HERC2: variants seen among roughly 807,000 people sequenced by gnomAD.
The protein encoded by HERC2 is E3 ubiquitin-protein ligase HERC2.
A neutral mutation model predicts 537.7 loss-of-function variants in HERC2; 102 were observed. That is an observed-to-expected ratio of 0.19 (90% CI 0.16 to 0.22). The LOEUF is 0.22. Among genes scored for constraint, HERC2 ranks in the 10% least tolerant of loss-of-function variants. The probability of loss-of-function intolerance (pLI) is 1.00; values close to 1 mark genes in which losing one functional copy is unlikely to be tolerated. For synonymous variants in HERC2, 2,224 were observed against 2,466.2 expected (o/e 0.90, Z 2.91); for missense variants, 4,236 against 6,198.2 (o/e 0.68, Z 10.63).
Position 28,163,201 on chromosome 15 carries a change from G to A in HERC2, c.10639C>T (p.Arg3547Cys), listed in dbSNP as rs559745379. The part of the protein sequence containing the change: ...FTSLLIADDT[R>C]VVVDLLKLSV... Reference sequence around the variant, plus strand: ...AGCTTGAGCAGGTCTACCACCACACGAGTGTCATCCGCAATCAGCAGACTG... The same window carrying A: ...AGCTTGAGCAGGTCTACCACCACACAAGTGTCATCCGCAATCAGCAGACTG... The change falls in exon 69 of 93, where the codon CGT becomes TGT. Residue 3547 changes from arginine to cysteine, a missense_variant. Transcript: ENST00000261609. The A allele has an allele frequency of 3.1e-6, 5 of 1,613,850 alleles. No individual in the cohort carries two copies. Among genetic ancestry groups the A allele is most frequent in the South Asian group, 2.2e-5 (2 of 91,078 alleles).
chr15:28,256,933 C>T (rs1319097081), intron 17 of HERC2, 128 bp downstream of exon 17: 1 of 798,306 alleles, frequency 1.3e-6, no homozygotes, highest in Admixed American at 2.7e-5. Context: ...ATTATTAGTG[C>T]ATTACAATCT....
At chr15:28,131,899 C>CT (rs1490436219) in intron 81 of HERC2, among the ~76,000 whole-genome samples, 1 of 152,316 alleles carries the variant, frequency 6.6e-6, no homozygotes, top group Admixed American at 6.5e-5. Flanking sequence ...ACCTTACTCC[C>CT]TCTAGGCCCT....
chr15:28,273,236 T>G (rs1345566883), intron 7 of HERC2: 2 of 577,014 alleles, frequency 3.5e-6, no homozygotes, highest in African/African-American at 3.7e-5. Context: ...TATATTACAG[T>G]AGATGACATA....
At chr15:28,115,647 G>T (rs1015027606) in intron 88 of HERC2, 106 bp from the exon 89 acceptor site, 1 of 727,908 alleles carries the variant, frequency 1.4e-6, no homozygotes, top group Non-Finnish European at 2.4e-6. Flanking sequence ...AGGACTCAGA[G>T]CCTTCTGAAG....
chr15:28,184,035 C>T (rs1218511712), intron 56 of HERC2, among the ~76,000 whole-genome samples: 3 of 151,600 alleles, frequency 2.0e-5, no homozygotes, highest in African/African-American at 7.3e-5. Context: ...AAAAAAAATA[C>T]AAAAAATTAG....
chr15:28,267,777 C>T (rs1372095434), intron 12 of HERC2, among the ~76,000 whole-genome samples: 2 of 152,392 alleles, frequency 1.3e-5, no homozygotes, highest in South Asian at 2.1e-4. Flanking sequence ...TCAAGGGACA[C>T]AAGTGCAGTC....
chr15:28,308,189 G>T (rs551812078), intron 2 of HERC2, among the ~76,000 whole-genome samples: 28 of 152,120 alleles, frequency 1.8e-4, no homozygotes, highest in Non-Finnish European at 3.8e-4. Flanking sequence ...CCATGAAGAT[G>T]AAATATTTTT....
In HERC2 at chr15:28,177,346, C is replaced by T. The variant is rs1895388927; in HGVS notation, c.9254+73G>A. On this transcript the variant is annotated intron_variant, in intron 60 of 92. Transcript: ENST00000261609. This position sits in a 1 kb window ranked among gnomAD's most constrained non-coding sequence, Gnocchi z 5.0. ...TAATCTATTCTATTCTAATTTTCTG[C>T]AAAATAATTCTCAAGAGTATCAGTC... is the stretch of plus-strand genomic sequence containing the variant. 1 of 1,477,418 alleles carries T rather than the reference C, an allele frequency of 6.8e-7. No individual in the cohort carries two copies. The highest frequency in any genetic ancestry group is 1.7e-5 in the Admixed American group (1 of 57,892). 91.5% of individuals were successfully genotyped at this position (1,477,418 alleles called of 1,614,324 possible). A position where few individuals can be genotyped will look rare whatever the true frequency, so the allele number is the denominator to read the frequency against.
At chr15:28,306,455 T>C (rs547684475) in intron 2 of HERC2, among the ~76,000 whole-genome samples, 2 of 152,346 alleles carry the variant, frequency 1.3e-5, no homozygotes, top group African/African-American at 2.4e-5. Flanking sequence ...TTTTAATGTG[T>C]TGTTGAATTC....
rs1261950626 is a variant in HERC2, at chr15:28,114,791, A to G, written c.13734T>C (p.Asp4578=). 6.2e-7 allele frequency: 1 copy of G among 1,613,938 alleles called. No homozygotes were observed. Among genetic ancestry groups the G allele is most frequent in the Admixed American group, 1.7e-5 (1 of 60,004 alleles). ...GGATGTACATGAGTCCAGGAATAAA[A>G]TCCTTATCAACCTTTTAAGGAGAAA... ...TIADLSEVDK[D]FIPGLMYIRD... The change falls in exon 90 of 93, where the codon GAT becomes GAC. Residue 4578 remains aspartate, a synonymous_variant. Coordinates refer to ENST00000261609, the MANE Select transcript of HERC2 (RefSeq NM_004667.6).
At chr15:28,221,036 C>T (rs1424793272) in intron 36 of HERC2, among the ~76,000 whole-genome samples, 1 of 149,336 alleles carries the variant, frequency 6.7e-6, no homozygotes, top group Admixed American at 6.7e-5. Context: ...TGGCTCCCAC[C>T]AGACCTGCCA....
rs376363410 is a variant in HERC2, at chr15:28,253,807, C to T, written c.3050+533G>A. Among the ~76,000 whole-genome samples the T allele has an allele frequency of 1.1e-4, 17 of 151,242 alleles. No individual in the cohort carries two copies. In the East Asian group the frequency reaches 1.9e-3, roughly 17 times the overall value. ...TGAAACCCCGTCTCTACTAAAAATACAAAAATCAGCCAGGTGTGGTTGCGG... is the reference window on the plus strand; with the variant it reads ...TGAAACCCCGTCTCTACTAAAAATATAAAAATCAGCCAGGTGTGGTTGCGG... On this transcript the variant is annotated intron_variant, in intron 20 of 92. Coordinates refer to ENST00000261609, the MANE Select transcript of HERC2 (RefSeq NM_004667.6).
At chr15:28,288,448 AGGAG>A (rs61381029) in intron 4 of HERC2, among the ~76,000 whole-genome samples, 121,225 of 121,248 alleles carry the variant, frequency 1, 60,601 homozygotes, top group Middle Eastern at 1. Context: ...GTTTGAACCC[AGGAG>A]GGAGGCAGAG....
At chr15:28,136,390 T>C (rs61266109) in intron 78 of HERC2, among the ~76,000 whole-genome samples, 24,384 of 152,054 alleles carry the variant, frequency 0.16, 3,462 homozygotes, top group East Asian at 0.42. Context: ...GGTGGATAAA[T>C]GAGCCCCACC....
intron 33 of HERC2, 41 bp downstream of exon 33, chr15:28,229,419 A>G: frequency 6.2e-7 from 1 of 1,613,650 alleles, no homozygotes; most frequent in Non-Finnish European, 8.5e-7. Context: ...TTTTGTTGCC[A>G]TAGCTACCTT....
rs766009752 is a variant in HERC2 at position 28,274,382 on chromosome 15, C to T, written c.709G>A (p.Glu237Lys). 3 of 1,614,132 alleles carry T rather than the reference C, an allele frequency of 1.9e-6. No homozygotes were observed. Among genetic ancestry groups the T allele is most frequent in the Non-Finnish European group, 2.5e-6 (3 of 1,179,990 alleles). Residue 237 changes from glutamate (E) to lysine (K), a missense_variant, in exon 7 of 93, where the codon GAG (glutamate) becomes AAG (lysine). Physicochemically the swap from Glu to Lys is moderately conservative, Grantham distance 56. Transcript: ENST00000261609. ...ESLDALRALP[E>K]ASLFDESTVS... is the part of the protein sequence containing the mutation. ...GTGCTCTCGTCAAAGAGCGAGGCCT[C>T]GGGAAGTGCTCGCAGGGCGTCCAGG...
At chr15:28,317,371 G>C (rs955704676) in intron 2 of HERC2, among the ~76,000 whole-genome samples, 1 of 152,170 alleles carries the variant, frequency 6.6e-6, no homozygotes, top group Non-Finnish European at 1.5e-5. Flanking sequence ...TTACAGGCGT[G>C]AGCCACCGCG....
At chr15:28,242,011 A>G (rs1567060023) in intron 23 of HERC2, among the ~76,000 whole-genome samples, 1 of 152,230 alleles carries the variant, frequency 6.6e-6, no homozygotes, top group Non-Finnish European at 1.5e-5. Context: ...ACATTCAGAC[A>G]CTTTGCACAA....
chr15:28,274,461 C>A lies in HERC2; in HGVS notation c.644-14G>T. The A allele has an allele frequency of 6.3e-7, 1 of 1,598,442 alleles. No individual in the cohort carries two copies. Among genetic ancestry groups the A allele is most frequent in the East Asian group, 2.3e-5 (1 of 43,838 alleles). ...CCGCATCCTCGCCTGGGCGCACACA[C>A]GCGTCAGAGGAGCCCCCCCACTCCC... On this transcript the variant is annotated splice_polypyrimidine_tract_variant and intron_variant, in intron 6 of 92. Transcript: ENST00000261609.
Sources: allele counts gnomAD v4.1 joint callset (sites outside exome capture counted in the v4.1 genomes callset), GRCh38; gene constraint gnomAD v4.1.1; non-coding constraint Gnocchi (gnomAD v3.1); transcripts MANE v1.5; gene names NCBI Gene and HGNC (gene_info 2026-07-23, HGNC 2026-07-21).